The following DNAJC21 variants were observed in gnomAD, a reference collection of about 807,000 sequenced individuals.
The protein encoded by DNAJC21 is dnaJ homolog subfamily C member 21.
In DNAJC21, 63 loss-of-function variants were observed where a neutral mutation model predicts 72.4. The ratio of observed to expected loss-of-function variants is 0.87; its 90% confidence interval spans 0.71 to 1.07. The LOEUF is 1.07. Ranked by LOEUF, DNAJC21 falls within the 50% of genes least tolerant of loss-of-function variation. The pLI, the probability that DNAJC21 is intolerant of heterozygous loss-of-function variation, is 0.00. For missense variants in DNAJC21, 634 were observed against 644.8 expected, an observed-to-expected ratio of 0.98 and a Z score of 0.18; for synonymous variants, 203 against 216.7, an observed-to-expected ratio of 0.94 and a Z score of 0.56.
chr5:34,935,682 C>G, intron 2 of DNAJC21, 28 bp from the exon 3 acceptor site: 1 of 1,613,252 alleles, frequency 6.2e-7, no homozygotes. Flanking sequence ...ATTCAGCCTT[C>G]ACAATGATGC....
Position 34,950,240 on chromosome 5 carries a change from TAAATC to T in DNAJC21, c.1259_1263del (p.Asn420ArgfsTer9), listed in dbSNP as rs1322175053. 2 of 1,613,822 alleles carry T rather than the reference TAAATC, an allele frequency of 1.2e-6. No homozygotes were observed. The highest frequency in any genetic ancestry group is 1.3e-5 in the African/African-American group (1 of 75,016). On this transcript the variant is annotated frameshift_variant, in exon 10 of 12. Coordinates refer to ENST00000648817, the MANE Select transcript of DNAJC21 (RefSeq NM_001012339.3). LOFTEE classifies it high-confidence loss of function. ...AAGGTTGATCCAGAAGATACTAACTTAAATCAAGACAGTGCCAAAGAATTGGAAGA... is the reference window on the plus strand; with the variant it reads ...AAGGTTGATCCAGAAGATACTAACTTAAGACAGTGCCAAAGAATTGGAAGA...
In DNAJC21 at chr5:34,941,124, T is replaced by C. The variant is rs984851787; in HGVS notation, c.924T>C (p.Ala308=). 2 of 1,614,166 alleles carry C rather than the reference T, an allele frequency of 1.2e-6. No homozygotes were observed. Among genetic ancestry groups the C allele is most frequent in the Non-Finnish European group, 1.7e-6 (2 of 1,180,004 alleles). Residue 308 remains alanine, a synonymous_variant, in exon 7 of 12, where the codon GCT becomes GCC. Transcript: ENST00000648817. ...AAGACAGTGATGAGGCCGAGGACGC[T>C]GAGCTCTATGATGACCTTTACTGCC... ...DGKDSDEAED[A]ELYDDLYCPA...
chr5:34,932,455 A>G (rs1158243911), intron 1 of DNAJC21, among the ~76,000 whole-genome samples: 3 of 151,368 alleles, frequency 2.0e-5, no homozygotes, highest in Non-Finnish European at 2.9e-5. Flanking sequence ...AGTGTTCTCC[A>G]TAGTCAATTC....
intron 10 of DNAJC21, 107 bp downstream of exon 10, chr5:34,950,449 T>G: frequency 2.7e-6 from 4 of 1,462,726 alleles, no homozygotes; most frequent in Non-Finnish European, 3.6e-6. Flanking sequence ...ACCAGGTAAT[T>G]TAGATGTATC....
chr5:34,953,960 A>G lies in DNAJC21; in HGVS notation c.1393A>G (p.Met465Val), dbSNP rs1207747793. The change falls in exon 11 of 12, where the codon ATG becomes GTG. Residue 465 changes from methionine to valine, a missense_variant. Coordinates refer to ENST00000648817, the MANE Select transcript of DNAJC21 (RefSeq NM_001012339.3). The stretch of plus-strand genomic sequence containing the variant: ...ACCCAAAGGAAAGAAAACCAAAGAT[A>G]TGAAAAAACCTGTCAGAGTACCTGC... ...PKPKGKKTKDMKKPVRVPAEP... is the reference protein window; with the variant it reads ...PKPKGKKTKDVKKPVRVPAEP... The G allele has an allele frequency of 3.7e-6, 6 of 1,612,250 alleles. No homozygotes were observed. The African/African-American group carries it at 8.0e-5, about 22-fold the overall frequency.
chr5:34,939,078 T>C (rs1764898155), intron 6 of DNAJC21, 69 bp downstream of exon 6: 1 of 1,353,260 alleles, frequency 7.4e-7, no homozygotes, highest in Non-Finnish European at 9.9e-7. Context: ...CTTGCTTATT[T>C]GACATCTCCC....
intron 2 of DNAJC21, among the ~76,000 whole-genome samples, chr5:34,934,251 C>T (rs574949800): frequency 1.2e-4 from 18 of 151,700 alleles, no homozygotes; most frequent in Admixed American, 7.2e-4. Flanking sequence ...TTTTTTGAGA[C>T]GCAGTTTTGC....
At position 34,929,914 on chromosome 5, in the gene DNAJC21, C is replaced by T. The variant is rs1466240530; in HGVS notation, c.95C>T (p.Pro32Leu). 1 of 1,577,008 alleles carries T rather than the reference C, an allele frequency of 6.3e-7. No individual in the cohort carries two copies. Among genetic ancestry groups the T allele is most frequent in the Non-Finnish European group, 8.6e-7 (1 of 1,161,858 alleles). The change falls in exon 1 of 12, where the codon CCG becomes CTG. Residue 32 changes from proline (P) to leucine (L), a missense_variant and splice_region_variant. Physicochemically the swap from Pro to Leu is moderately conservative, Grantham distance 98. Coordinates refer to ENST00000648817, the MANE Select transcript of DNAJC21 (RefSeq NM_001012339.3). ...AYRKLALKWH[P>L]DKNLDNAAEA... ...CGGAAGCTGGCCCTGAAATGGCACCCGGGTAAGTACCTGTCCCGCAGCCCC... is the reference window on the plus strand; with the variant it reads ...CGGAAGCTGGCCCTGAAATGGCACCTGGGTAAGTACCTGTCCCGCAGCCCC...
At position 34,957,557 on chromosome 5, in the gene DNAJC21, T is replaced by C. The variant is rs1296828321; in HGVS notation, c.*2843T>C. The C allele has an allele frequency of 6.6e-6, 1 of 152,212 alleles. No homozygotes were observed. Among genetic ancestry groups the C allele is most frequent in the East Asian group, 1.9e-4 (1 of 5,198 alleles). The allele number at this position is 152,212 out of a possible 1,614,324, so 9.4% of individuals were successfully genotyped here. A position where few individuals can be genotyped will look rare whatever the true frequency, so the allele number is the denominator to read the frequency against. On this transcript the variant is annotated 3_prime_UTR_variant, in exon 12 of 12. Transcript: ENST00000648817. Reference sequence around the variant, plus strand: ...CCTAGTGATTGCTGGTGAAGTAATATTGGAATTTTGGTACCATGAGAAGAC... The same window carrying C: ...CCTAGTGATTGCTGGTGAAGTAATACTGGAATTTTGGTACCATGAGAAGAC...
chr5:34,945,792 A>G lies in DNAJC21; in HGVS notation c.1174A>G (p.Lys392Glu), dbSNP rs374884139. ...LSKKQKKKKQ[K>E]PAQNYDDNFN... ...TAAAAAACAGAAGAAAAAGAAACAG[A>G]AACCAGCACAGGTATGTTAGAAAGG... The change falls in exon 9 of 12, where the codon AAA (lysine) becomes GAA (glutamate). Residue 392 changes from lysine (K) to glutamate (E), a missense_variant. By Grantham distance (56) the Lys-to-Glu change is moderately conservative. Coordinates refer to ENST00000648817, the MANE Select transcript of DNAJC21 (RefSeq NM_001012339.3). 5.3e-5 allele frequency: 84 copies of G among 1,591,800 alleles called. 1 individual carries two copies. Among genetic ancestry groups the G allele is most frequent in the Non-Finnish European group, 1.0e-5 (12 of 1,171,684 alleles).
chr5:34,929,952 G>A, intron 1 of DNAJC21, 36 bp downstream of exon 1: 5 of 1,514,598 alleles, frequency 3.3e-6, no homozygotes, highest in South Asian at 1.2e-5. Context: ...CGGCCACTCG[G>A]AGAAGCCCGG....
rs533150450 is a variant in DNAJC21 at position 34,956,159 on chromosome 5, A to G, written c.*1445A>G. ...GCTTTCCATATATCCTTGAATCTTC[A>G]GATTAACGAAATGAACAAATTTTCG... On this transcript the variant is annotated 3_prime_UTR_variant, in exon 12 of 12. Coordinates refer to ENST00000648817, the MANE Select transcript of DNAJC21 (RefSeq NM_001012339.3). 6.6e-6 allele frequency: 1 copy of G among 152,472 alleles called. No homozygotes were observed. The highest frequency in any genetic ancestry group is 1.5e-5 in the Non-Finnish European group (1 of 68,010). 9.4% of individuals were successfully genotyped at this position (152,472 alleles called of 1,614,324 possible). A position where few individuals can be genotyped will look rare whatever the true frequency, so the allele number is the denominator to read the frequency against.
chr5:34,954,455 T>C, intron 11 of DNAJC21, 98 bp from the exon 12 acceptor site: 12 of 1,389,104 alleles, frequency 8.6e-6, no homozygotes, highest in Non-Finnish European at 1.1e-5. Flanking sequence ...ACATCTTTAT[T>C]TTACAATTGT....
rs756458582 is a variant in DNAJC21 at position 34,937,515 on chromosome 5, A to G, written c.628A>G (p.Ile210Val). 29 of 1,614,174 alleles carry G rather than the reference A, an allele frequency of 1.8e-5. No individual in the cohort carries two copies. The highest frequency in any genetic ancestry group is 2.0e-5 in the Non-Finnish European group (24 of 1,179,984). ...GCTTGTCCGTCAGCTGGTAGCTTTC[A>G]TTCGTAAAAGAGATAAAAGAGTGCA... ...NELVRQLVAF[I>V]RKRDKRVQAH... Residue 210 changes from isoleucine to valine, a missense_variant, in exon 5 of 12, where the codon ATT (isoleucine) becomes GTT (valine). By Grantham distance (29) the Ile-to-Val change is conservative. Coordinates refer to ENST00000648817, the MANE Select transcript of DNAJC21 (RefSeq NM_001012339.3).
intron 8 of DNAJC21, 36 bp from the exon 9 acceptor site, chr5:34,945,725 C>A: frequency 6.5e-7 from 1 of 1,533,942 alleles, no homozygotes; most frequent in South Asian, 1.3e-5. Flanking sequence ...TTCACAGAGT[C>A]AAGTATTTGA....
At chr5:34,939,261 AT>A (rs761706255) in intron 6 of DNAJC21, among the ~76,000 whole-genome samples, 3,204 of 144,344 alleles carry the variant, frequency 0.022, 98 homozygotes, top group African/African-American at 0.071. Context: ...AAGTGTGACT[AT>A]TTTTTTTTTT....
In DNAJC21 at chr5:34,945,607, A is replaced by G. The variant is rs34762811; in HGVS notation, c.1143-154A>G. On this transcript the variant is annotated intron_variant, in intron 8 of 11. Coordinates refer to ENST00000648817, the MANE Select transcript of DNAJC21 (RefSeq NM_001012339.3). Reference sequence around the variant, plus strand: ...TATTCTCTAAAATGACAATGTGAATACTTTATTTTCCTTTTAATGCTTTAA... The same window carrying G: ...TATTCTCTAAAATGACAATGTGAATGCTTTATTTTCCTTTTAATGCTTTAA... 593 of 611,856 alleles carry G rather than the reference A, an allele frequency of 9.7e-4. 1 individual carries two copies. The African/African-American group carries it at 0.01, about 11-fold the overall frequency. The allele number at this position is 611,856 out of a possible 1,614,324, so 37.9% of individuals were successfully genotyped here.
intron 7 of DNAJC21, among the ~76,000 whole-genome samples, chr5:34,944,528 T>C (rs537227713): frequency 7.2e-5 from 11 of 151,940 alleles, no homozygotes; most frequent in Non-Finnish European, 1.5e-4. Context: ...AAGTAGAGAA[T>C]TTGTCCAAAC....
chr5:34,936,216 G>A lies in DNAJC21; in HGVS notation c.388G>A (p.Glu130Lys), dbSNP rs765203016. The A allele has an allele frequency of 1.2e-6, 2 of 1,614,114 alleles. No individual in the cohort carries two copies. The highest frequency in any genetic ancestry group is 2.2e-5 in the South Asian group (2 of 91,082). ...KEELESVLEE[E>K]VDDFPTFGDS... Reference sequence around the variant, plus strand: ...AGAACTAGAATCTGTGTTAGAGGAAGAGGTTGATGATTTCCCAACTTTTGG... The same window carrying A: ...AGAACTAGAATCTGTGTTAGAGGAAAAGGTTGATGATTTCCCAACTTTTGG... The change falls in exon 4 of 12, where the codon GAG becomes AAG. Residue 130 changes from glutamate to lysine, a missense_variant. Transcript: ENST00000648817.
Sources: allele counts gnomAD v4.1 joint callset (sites outside exome capture counted in the v4.1 genomes callset), GRCh38; gene constraint gnomAD v4.1.1; transcripts MANE v1.5; gene names NCBI Gene and HGNC (gene_info 2026-07-23, HGNC 2026-07-21).